THRB: variants seen among roughly 807,000 people sequenced by gnomAD.
THRB encodes nuclear receptor subfamily 1 group A member 2.
A neutral mutation model predicts 47.8 loss-of-function variants in THRB; 12 were observed. The observed-to-expected ratio is 0.25, with a 90% CI of 0.16 to 0.41. The LOEUF (loss-of-function observed/expected upper bound fraction) is 0.41. THRB is among the 10% of genes least tolerant of loss of function. The pLI, the probability that THRB is intolerant of heterozygous loss-of-function variation, is 1.00. For missense variants in THRB, 348 were observed against 589.2 expected (o/e 0.59, Z 4.24); for synonymous variants, 218 against 212.2 (o/e 1.03, Z -0.24).
intron 5 of THRB, chr3:24,164,889 C>T: frequency 1.7e-6 from 1 of 594,946 alleles, no homozygotes; most frequent in South Asian, 2.1e-5. Context: ...CTAGCAACCC[C>T]TCTTACTGCC....
intron 8 of THRB, among the ~76,000 whole-genome samples, chr3:24,142,737 G>A (rs995698241): frequency 1.3e-5 from 2 of 152,228 alleles, no homozygotes; most frequent in Non-Finnish European, 2.9e-5. Flanking sequence ...CCAGAAGACC[G>A]AGTTGGTTTT....
chr3:24,448,506 T>TA (rs1560210873), intron 1 of THRB, among the ~76,000 whole-genome samples: 1 of 152,270 alleles, frequency 6.6e-6, no homozygotes, highest in East Asian at 1.9e-4. Flanking sequence ...AATACACAGA[T>TA]AAGCAGGCCT....
intron 4 of THRB, among the ~76,000 whole-genome samples, chr3:24,204,239 T>C (rs1355363224): frequency 2.6e-5 from 4 of 152,244 alleles, no homozygotes; most frequent in Admixed American, 2.6e-4. Context: ...GTAGCCTTAC[T>C]GCGAGGCACC....
At chr3:24,189,935 C>T (rs1450989466) in intron 5 of THRB, 139 bp downstream of exon 5, 12 of 780,524 alleles carry the variant, frequency 1.5e-5, no homozygotes, top group Middle Eastern at 2.5e-4. Flanking sequence ...AAGAAAAGGA[C>T]GCCTAGTAAA....
intron 3 of THRB, among the ~76,000 whole-genome samples, chr3:24,287,120 C>T (rs973782314): frequency 7.2e-5 from 11 of 152,140 alleles, no homozygotes; most frequent in African/African-American, 2.4e-4. Context: ...ACTTGCAGAC[C>T]CAATGCAGTG....
intron 2 of THRB, among the ~76,000 whole-genome samples, chr3:24,323,079 T>G (rs925859087): frequency 1.3e-5 from 2 of 152,206 alleles, no homozygotes; most frequent in Non-Finnish European, 2.9e-5. Context: ...GAAGGCCTAT[T>G]GGTGTTTAGG....
At chr3:24,289,368 A>T (rs1354335875) in intron 3 of THRB, among the ~76,000 whole-genome samples, 1 of 152,218 alleles carries the variant, frequency 6.6e-6, no homozygotes, top group Non-Finnish European at 1.5e-5. Flanking sequence ...GTTAAAACAT[A>T]AAAAATTGCC....
intron 8 of THRB, among the ~76,000 whole-genome samples, chr3:24,143,042 A>C (rs2035643489): frequency 6.6e-6 from 1 of 152,186 alleles, no homozygotes; most frequent in Admixed American, 6.5e-5. Flanking sequence ...ATTTAAGCTA[A>C]AAAATTTTGA....
At chr3:24,480,621 G>C (rs907861614) in intron 1 of THRB, among the ~76,000 whole-genome samples, 3 of 152,202 alleles carry the variant, frequency 2.0e-5, no homozygotes, top group Non-Finnish European at 4.4e-5. Context: ...AAGAGGCAAA[G>C]AGGAAGAGTG....
chr3:24,194,276 T>G (rs927909564), intron 4 of THRB, among the ~76,000 whole-genome samples: 2 of 152,026 alleles, frequency 1.3e-5, no homozygotes, highest in African/African-American at 4.8e-5. Context: ...TTGAAATAAA[T>G]AAAAAATTAA....
chr3:24,174,561 A>G (rs1378935675), intron 5 of THRB, among the ~76,000 whole-genome samples: 2 of 152,156 alleles, frequency 1.3e-5, no homozygotes, highest in Admixed American at 6.6e-5. Context: ...AGCTTGCAAT[A>G]ATCTTTAGTT....
intron 1 of THRB, among the ~76,000 whole-genome samples, chr3:24,464,187 A>G (rs2073944815): frequency 6.6e-6 from 1 of 151,716 alleles, no homozygotes; most frequent in African/African-American, 2.4e-5. Context: ...CGGAGCCTGC[A>G]GTGAGCCGAG....
chr3:24,140,906 T>C (rs1470561355), intron 8 of THRB, among the ~76,000 whole-genome samples: 1 of 152,168 alleles, frequency 6.6e-6, no homozygotes, highest in African/African-American at 2.4e-5. Context: ...AATGGAACAT[T>C]GTTCTCCTGT....
intron 1 of THRB, among the ~76,000 whole-genome samples, chr3:24,378,270 A>AAG (rs2065440320): frequency 6.6e-6 from 1 of 152,208 alleles, no homozygotes; most frequent in African/African-American, 2.4e-5. Flanking sequence ...AAAATAAGAA[A>AAG]AGATTGTTTG....
Position 24,358,423 on chromosome 3 carries a change from CTT to C in THRB, c.-260-21054_-260-21053del, listed in dbSNP as rs1429981134. On this transcript the variant is annotated intron_variant, in intron 1 of 10. Transcript: ENST00000646209. ...TAATGGTTTGTTTTTATGTTGGAGT[CTT>C]TGATTCATTTGGAATTTATTTTGGC... 2.0e-5 allele frequency among the ~76,000 whole-genome samples: 3 copies of C among 151,964 alleles called. No individual in the cohort carries two copies. The South Asian group carries it at 6.2e-4, about 32-fold the overall frequency.
intron 5 of THRB, among the ~76,000 whole-genome samples, chr3:24,183,516 C>A (rs1212818297): frequency 6.6e-6 from 1 of 151,058 alleles, no homozygotes; most frequent in East Asian, 1.9e-4. Flanking sequence ...TACAGGCACA[C>A]GCCACCATCC....
intron 1 of THRB, among the ~76,000 whole-genome samples, chr3:24,442,907 G>T (rs1327502525): frequency 1.3e-5 from 2 of 152,066 alleles, no homozygotes; most frequent in Non-Finnish European, 2.9e-5. Flanking sequence ...AAGGTGCTGG[G>T]CACGGTGGCT....
intron 4 of THRB, among the ~76,000 whole-genome samples, chr3:24,223,503 A>T (rs2047360117): frequency 6.6e-6 from 1 of 152,186 alleles, no homozygotes; most frequent in Non-Finnish European, 1.5e-5. Context: ...ATGCTATGGA[A>T]CCATATTTAC....
intron 1 of THRB, among the ~76,000 whole-genome samples, chr3:24,442,952 G>A (rs1490896770): frequency 6.6e-6 from 1 of 151,668 alleles, no homozygotes; most frequent in Non-Finnish European, 1.5e-5. Context: ...GGAGGCCGAG[G>A]CGGGTGGATC....
Sources: allele counts gnomAD v4.1 joint callset (sites outside exome capture counted in the v4.1 genomes callset), GRCh38; gene constraint gnomAD v4.1.1; transcripts MANE v1.5; gene names NCBI Gene and HGNC (gene_info 2026-07-23, HGNC 2026-07-21).